DCX: variants seen among roughly 807,000 people sequenced by gnomAD.
DCX encodes neuronal migration protein doublecortin.
In DCX, 4 loss-of-function variants were observed where a neutral mutation model predicts 20.9. The ratio of observed to expected loss-of-function variants is 0.19; its 90% CI spans 0.09 to 0.44. The LOEUF (loss-of-function observed/expected upper bound fraction) is 0.44, where lower values mean the gene tolerates loss of function less well. DCX is among the 20% of genes least tolerant of loss of function. The pLI is 0.99. For synonymous variants in DCX, 103 were observed against 111.4 expected, an observed-to-expected ratio of 0.92 and a Z score of 0.47; for missense variants, 133 against 296.9, an observed-to-expected ratio of 0.45 and a Z score of 4.06.
chrX:111,379,360 G>GT (rs1448760818), intron 3 of DCX, among the ~76,000 whole-genome samples: 1 of 111,382 alleles, frequency 9.0e-6, no homozygotes, highest in African/African-American at 3.3e-5. Flanking sequence ...CCCATTAGCT[G>GT]TAAATCCCTA....
intron 4 of DCX, 121 bp from the exon 5 acceptor site, chrX:111,331,162 G>A (rs1023634272): frequency 3.5e-6 from 3 of 845,195 alleles, no homozygotes; most frequent in African/African-American, 2.0e-5. Context: ...GGACTACAAT[G>A]TGGTCCTTAT....
chrX:111,384,825 A>G (rs1926255022), intron 3 of DCX, among the ~76,000 whole-genome samples: 1 of 112,511 alleles, frequency 8.9e-6, no homozygotes, highest in African/African-American at 3.2e-5. Flanking sequence ...TTGAAATTTG[A>G]GTTATGTTAT....
intron 5 of DCX, among the ~76,000 whole-genome samples, chrX:111,321,198 T>C (rs2095085745): frequency 8.9e-6 from 1 of 112,038 alleles, no homozygotes; most frequent in African/African-American, 3.2e-5. Context: ...CTGGGTATCA[T>C]ACACAGTGTC....
rs369300090 is a variant in DCX at position 111,312,709 on chromosome X, G to C, written c.974C>G (p.Ser325Cys). ...DANGTSSSQL[S>C]TPKSKQSPIS... ...GGGAGACTGCTTAGACTTGGGGGTAGAGAGCTGGCTGCTGGAGGTTCCGTT... is the reference window on the plus strand; with the variant it reads ...GGGAGACTGCTTAGACTTGGGGGTACAGAGCTGGCTGCTGGAGGTTCCGTT... Residue 325 changes from serine to cysteine, a missense_variant, in exon 6 of 7, where the codon TCT (serine) becomes TGT (cysteine). Ser to Cys is a moderately radical substitution (Grantham distance 112). Coordinates refer to ENST00000636035, the MANE Select transcript of DCX (RefSeq NM_001195553.2). The C allele has an allele frequency of 3.3e-6, 4 of 1,209,888 alleles. No homozygotes were observed. Among genetic ancestry groups the C allele is most frequent in the Non-Finnish European group, 4.5e-6 (4 of 895,284 alleles).
At chrX:111,359,679 C>T (rs1255661095) in intron 3 of DCX, among the ~76,000 whole-genome samples, 3 of 112,037 alleles carry the variant, frequency 2.7e-5, no homozygotes, top group African/African-American at 9.7e-5. Flanking sequence ...AAAGAACAAA[C>T]AGTCCAATAG....
chrX:111,408,687 AAAGAAAGG>A (rs1214077746), intron 2 of DCX, among the ~76,000 whole-genome samples: 185 of 105,103 alleles, frequency 1.8e-3, no homozygotes, highest in South Asian at 4.4e-3. Flanking sequence ...AGAAAGAAAG[AAAGAAAGG>A]AAGGAAGTCG....
At chrX:111,354,263 T>C (rs1923555380) in intron 3 of DCX, among the ~76,000 whole-genome samples, 1 of 111,740 alleles carries the variant, frequency 8.9e-6, no homozygotes, top group African/African-American at 3.3e-5. Flanking sequence ...TAAAATCTAG[T>C]GAAATATATC....
chrX:111,403,932 G>C (rs945942336), intron 2 of DCX, among the ~76,000 whole-genome samples: 2 of 110,165 alleles, frequency 1.8e-5, no homozygotes, highest in Non-Finnish European at 3.8e-5. Context: ...TATAATCCCA[G>C]CTACTAGGGA....
rs147169197 is a variant in DCX at position 111,390,738 on chromosome X, C to G, written c.705+10252G>C. The stretch of plus-strand genomic sequence containing the variant: ...GTGGGGCCTGGCATAGTGGCTAACA[C>G]CTGTAATCCCAGCACTTTGGGAGGC... On this transcript the variant is annotated intron_variant, in intron 3 of 6. Transcript: ENST00000636035. Among the ~76,000 whole-genome samples the G allele has an allele frequency of 9.0e-3, 996 of 111,182 alleles. 12 individuals are homozygous for G. Among genetic ancestry groups the G allele is most frequent in the African/African-American group, 0.031 (933 of 30,524 alleles).
intron 3 of DCX, among the ~76,000 whole-genome samples, chrX:111,374,615 C>G (rs912051126): frequency 2.2e-4 from 24 of 110,581 alleles, no homozygotes; most frequent in African/African-American, 7.9e-4. Context: ...TGAGTTCACC[C>G]AATGGAGGGA....
chrX:111,359,275 G>A (rs958639189), intron 3 of DCX, among the ~76,000 whole-genome samples: 9 of 111,837 alleles, frequency 8.0e-5, no homozygotes, highest in Middle Eastern at 4.2e-3. Flanking sequence ...TGTACACATG[G>A]AAGTTTATTG....
intron 3 of DCX, among the ~76,000 whole-genome samples, chrX:111,341,782 AT>A (rs927736918): frequency 5.4e-5 from 6 of 111,481 alleles, no homozygotes; most frequent in Admixed American, 9.5e-5. Flanking sequence ...ACTAAGCTTC[AT>A]AAGCAAAGGA....
intron 3 of DCX, among the ~76,000 whole-genome samples, chrX:111,379,863 C>G (rs764691742): frequency 1.1e-4 from 12 of 111,049 alleles, no homozygotes; most frequent in Middle Eastern, 4.7e-3. Context: ...CTTGCCAATG[C>G]TTATTATTCT....
intron 3 of DCX, among the ~76,000 whole-genome samples, chrX:111,373,940 G>A (rs984467742): frequency 9.0e-5 from 10 of 111,718 alleles, no homozygotes; most frequent in Admixed American, 1.9e-4. Flanking sequence ...GTATATAACT[G>A]GATGTGACAC....
intron 3 of DCX, among the ~76,000 whole-genome samples, chrX:111,351,734 A>G (rs1923321992): frequency 8.9e-6 from 1 of 111,982 alleles, no homozygotes; most frequent in African/African-American, 3.2e-5. Flanking sequence ...CTCAAGGCCA[A>G]TAAGCTTTCA....
intron 5 of DCX, among the ~76,000 whole-genome samples, 176 bp from the exon 6 acceptor site, chrX:111,312,912 C>T (rs913495518): frequency 2.7e-5 from 3 of 111,946 alleles, no homozygotes; most frequent in African/African-American, 9.7e-5. Context: ...GCAAGAACTG[C>T]AATCCTCAGT....
intron 1 of DCX, chrX:111,410,731 T>C (rs1928642574): frequency 8.7e-7 from 1 of 1,148,162 alleles, no homozygotes; most frequent in South Asian, 1.8e-5. Context: ...GATTTTGAAA[T>C]AGCTGAAAAT....
At chrX:111,315,189 G>A (rs1459899136) in intron 5 of DCX, among the ~76,000 whole-genome samples, 1 of 107,524 alleles carries the variant, frequency 9.3e-6, no homozygotes, top group Non-Finnish European at 1.9e-5. Flanking sequence ...TCTGACAAAG[G>A]GCTAATATCC....
chrX:111,304,220 T>C (rs191194494), intron 6 of DCX, among the ~76,000 whole-genome samples: 1 of 112,307 alleles, frequency 8.9e-6, no homozygotes, highest in African/African-American at 3.2e-5. Flanking sequence ...AAAAGTATTT[T>C]TGAGCTCTGG....
Sources: allele counts gnomAD v4.1 joint callset (sites outside exome capture counted in the v4.1 genomes callset), GRCh38; gene constraint gnomAD v4.1.1; transcripts MANE v1.5; gene names NCBI Gene and HGNC (gene_info 2026-07-23, HGNC 2026-07-21).